Variants in TSPEAR observed in about 807,000 individuals in gnomAD.
The protein encoded by TSPEAR is thrombospondin-type laminin G domain and EAR repeat-containing protein.
Under a neutral mutation model 71.6 loss-of-function variants are expected in TSPEAR, and 69 were observed. The ratio of observed to expected loss-of-function variants is 0.96; its 90% CI spans 0.79 to 1.18. The LOEUF (loss-of-function observed/expected upper bound fraction) is 1.18, where lower values mean the gene tolerates loss of function less well. Among genes scored for constraint, TSPEAR ranks in the 50% most tolerant of loss-of-function variants. TSPEAR has a pLI of 0.00. For missense variants in TSPEAR, 971 were observed against 894.9 expected, an observed-to-expected ratio of 1.09 and a Z score of -1.09; for synonymous variants, 402 against 387.2, an observed-to-expected ratio of 1.04 and a Z score of -0.45.
chr21:44,582,666 T>C (rs1555925286), intron 1 of TSPEAR, among the ~76,000 whole-genome samples: 2 of 152,160 alleles, frequency 1.3e-5, no homozygotes, highest in African/African-American at 2.4e-5. Context: ...AGCTCCAGGG[T>C]CTCAGTGTGC....
intron 1 of TSPEAR, chr21:44,592,027 T>C: frequency 6.2e-7 from 1 of 1,603,276 alleles, no homozygotes; most frequent in South Asian, 1.1e-5. Context: ...ACAGCAGGCC[T>C]GCTGGCAGGG....
rs546093858 is a variant in TSPEAR at position 44,702,773 on chromosome 21, T to A, written c.82+8660A>T. ...TGCTCCCACCTGGCCTGCTGAGGCC[T>A]CTGCTCAGGCCAGAAGCCCAGCTAC... is the stretch of plus-strand genomic sequence containing the variant. On this transcript the variant is annotated intron_variant, in intron 1 of 11. Transcript: ENST00000323084. The A allele has an allele frequency of 1.5e-4, 198 of 1,332,150 alleles. No individual in the cohort carries two copies. The African/African-American group carries it at 2.6e-3, about 18-fold the overall frequency. The allele number at this position is 1,332,150 out of a possible 1,614,324, so 82.5% of individuals were successfully genotyped here. A position where few individuals can be genotyped will look rare whatever the true frequency, so the allele number is the denominator to read the frequency against.
At chr21:44,539,084 G>A in intron 2 of TSPEAR, 2 of 750,126 alleles carry the variant, frequency 2.7e-6, no homozygotes, top group Non-Finnish European at 4.2e-6. Flanking sequence ...GAGGACAGGG[G>A]ACCTAGCAGG....
At chr21:44,580,370 G>A (rs376256019) in intron 1 of TSPEAR, 109 of 1,613,580 alleles carry the variant, frequency 6.8e-5, no homozygotes, top group Middle Eastern at 1.8e-4. Context: ...GCACGAGGGC[G>A]TGCAGGAGCT....
Position 44,694,719 on chromosome 21 carries a change from AAAC to A in TSPEAR, c.82+16711_82+16713del, listed in dbSNP as rs1274199907. Among the ~76,000 whole-genome samples the A allele has an allele frequency of 5.9e-5, 9 of 152,270 alleles. No individual in the cohort carries two copies. The East Asian group carries it at 1.7e-3, about 29-fold the overall frequency. ...ACACATGTATTGATAAAGTCATAATAAACAACAATTATTGAGTGCCTATCATGA... is the reference window on the plus strand; with the variant it reads ...ACACATGTATTGATAAAGTCATAATAAACAATTATTGAGTGCCTATCATGA... On this transcript the variant is annotated intron_variant, in intron 1 of 11. Transcript: ENST00000323084.
chr21:44,543,902 A>G (rs1555917508), intron 2 of TSPEAR, among the ~76,000 whole-genome samples: 1 of 152,248 alleles, frequency 6.6e-6, no homozygotes, highest in East Asian at 1.9e-4. Flanking sequence ...AGCACTAGGA[A>G]CCAATACAAT....
At chr21:44,539,681 G>C (rs2053174012) in intron 2 of TSPEAR, 1 of 1,593,932 alleles carries the variant, frequency 6.3e-7, no homozygotes, top group Admixed American at 1.7e-5. Context: ...GGAATCCTCA[G>C]AGCAGGTGGG....
At chr21:44,613,744 C>T (rs1345316257) in intron 1 of TSPEAR, among the ~76,000 whole-genome samples, 1 of 152,130 alleles carries the variant, frequency 6.6e-6, no homozygotes, top group Non-Finnish European at 1.5e-5. Flanking sequence ...ACAAAAGCAT[C>T]ATGGGGTGGG....
chr21:44,539,298 G>A lies in TSPEAR; in HGVS notation c.304-5375C>T, dbSNP rs782411758. ...CAGCTGGACTCCTGGCCTGAGCAGAGGCCTCAGCAGGCCGGGCGGGAGCAC... is the reference window on the plus strand; with the variant it reads ...CAGCTGGACTCCTGGCCTGAGCAGAAGCCTCAGCAGGCCGGGCGGGAGCAC... On this transcript the variant is annotated intron_variant, in intron 2 of 11. Coordinates refer to ENST00000323084, the MANE Select transcript of TSPEAR (RefSeq NM_144991.3). 1.4e-5 allele frequency: 23 copies of A among 1,607,880 alleles called. No homozygotes were observed. In the Admixed American group the frequency reaches 2.5e-4, roughly 18 times the overall value.
intron 1 of TSPEAR, among the ~76,000 whole-genome samples, chr21:44,591,103 G>T (rs233298): frequency 2.0e-5 from 3 of 151,628 alleles, no homozygotes; most frequent in East Asian, 3.9e-4. Context: ...ACAGGACAGA[G>T]GTTGGTGTGA....
In TSPEAR at chr21:44,505,347, G is replaced by A. The variant is rs191746814; in HGVS notation, c.1755-466C>T. Among the ~76,000 whole-genome samples the A allele has an allele frequency of 4.5e-3, 690 of 152,120 alleles. 5 individuals carry two copies. Among genetic ancestry groups the A allele is most frequent in the African/African-American group, 0.016 (671 of 41,460 alleles). On this transcript the variant is annotated intron_variant, in intron 10 of 11. Coordinates refer to ENST00000323084, the MANE Select transcript of TSPEAR (RefSeq NM_144991.3). ...GCCCACCTCAGCCTCCCAAAGTGCT[G>A]GGATTACAGGCATGAGCCACCATGC... is the stretch of plus-strand genomic sequence containing the variant.
intron 1 of TSPEAR, among the ~76,000 whole-genome samples, chr21:44,594,092 T>A (rs893699657): frequency 1.2e-4 from 18 of 152,104 alleles, no homozygotes; most frequent in Admixed American, 3.3e-4. Flanking sequence ...CTGTAAGAAG[T>A]ACATTTCAAG....
At chr21:44,688,363 T>C (rs1406901627) in intron 1 of TSPEAR, among the ~76,000 whole-genome samples, 2 of 152,154 alleles carry the variant, frequency 1.3e-5, no homozygotes, top group Non-Finnish European at 2.9e-5. Context: ...CATCTCCACC[T>C]TCCCAAGACC....
chr21:44,684,796 A>G (rs58435994), intron 1 of TSPEAR, among the ~76,000 whole-genome samples: 276 of 152,358 alleles, frequency 1.8e-3, no homozygotes, highest in African/African-American at 6.4e-3. Flanking sequence ...GAGCAGGTAA[A>G]TATCAAAGAT....
intron 1 of TSPEAR, among the ~76,000 whole-genome samples, chr21:44,668,759 G>A (rs1017674639): frequency 6.6e-6 from 1 of 152,098 alleles, no homozygotes; most frequent in Admixed American, 6.5e-5. Context: ...AATAATTTTC[G>A]GCAAGGCTGT....
chr21:44,509,531 G>A (rs1007566488), intron 9 of TSPEAR, 145 bp from the exon 10 acceptor site: 1 of 583,726 alleles, frequency 1.7e-6, no homozygotes, highest in Non-Finnish European at 3.0e-6. Flanking sequence ...AGAGGTGTGG[G>A]TGAGCGGGCG....
intron 1 of TSPEAR, among the ~76,000 whole-genome samples, chr21:44,570,164 G>A (rs782708882): frequency 1.3e-5 from 2 of 152,190 alleles, no homozygotes; most frequent in Admixed American, 6.5e-5. Context: ...CTCAGGATGA[G>A]CCTCTGCCCT....
intron 1 of TSPEAR, among the ~76,000 whole-genome samples, chr21:44,648,817 C>T (rs1555940798): frequency 6.6e-6 from 1 of 152,248 alleles, no homozygotes; most frequent in Non-Finnish European, 1.5e-5. Context: ...TCTGTGGCAG[C>T]TGACATGCAG....
intron 3 of TSPEAR, among the ~76,000 whole-genome samples, chr21:44,532,492 G>C (rs782160286): frequency 1.1e-4 from 17 of 152,172 alleles, no homozygotes; most frequent in Non-Finnish European, 2.9e-5. Flanking sequence ...CCGTCCTGAG[G>C]GCCCTAAAGA....
Sources: gnomAD v4.1 joint callset for allele counts (sites outside exome capture counted in the v4.1 genomes callset) on GRCh38, gnomAD v4.1.1 for gene constraint, MANE v1.5 for transcripts, NCBI Gene and HGNC (gene_info 2026-07-23, HGNC 2026-07-21) for gene names.